MYL12B: variants seen among roughly 807,000 people sequenced by gnomAD.
The protein encoded by MYL12B is myosin regulatory light chain 12B.
In MYL12B, 3 loss-of-function variants were observed where a neutral mutation model predicts 12.9. The ratio of observed to expected loss-of-function variants is 0.23; its 90% confidence interval spans 0.11 to 0.60. The LOEUF is 0.60. Ranked by LOEUF, MYL12B falls within the 20% of genes least tolerant of loss-of-function variation. The probability of loss-of-function intolerance (pLI) is 0.89; values close to 1 mark genes in which losing one functional copy is unlikely to be tolerated. For missense variants in MYL12B, 120 were observed against 215.4 expected (o/e 0.56, Z 2.77); for synonymous variants, 57 against 71.9 (o/e 0.79, Z 1.05).
At chr18:3,266,184 A>G (rs1328198699) in intron 1 of MYL12B, among the ~76,000 whole-genome samples, 5 of 152,192 alleles carry the variant, frequency 3.3e-5, no homozygotes, top group Admixed American at 2.0e-4. Flanking sequence ...ATGAGGTCAC[A>G]TGGGGAGGCT....
intron 1 of MYL12B, chr18:3,262,526 C>G (rs1274036656): frequency 2.0e-5 from 3 of 152,302 alleles, no homozygotes; most frequent in African/African-American, 7.2e-5. Flanking sequence ...GTGGCCGGGT[C>G]CCGGCCGTGC....
intron 1 of MYL12B, chr18:3,271,916 G>C (rs1441984816): frequency 4.3e-6 from 1 of 230,984 alleles, no homozygotes; most frequent in South Asian, 1.6e-4. Flanking sequence ...GGGAAGAAGA[G>C]AAAAGGGGCT....
At chr18:3,266,291 T>C (rs2081633676) in intron 1 of MYL12B, among the ~76,000 whole-genome samples, 1 of 152,220 alleles carries the variant, frequency 6.6e-6, no homozygotes, top group African/African-American at 2.4e-5. Flanking sequence ...CCCTGCCACA[T>C]GGATCTCTCC....
chr18:3,273,159 G>A, intron 2 of MYL12B, 77 bp downstream of exon 2: 4 of 1,416,370 alleles, frequency 2.8e-6, no homozygotes, highest in Non-Finnish European at 3.8e-6. Context: ...TTTGTGCGAT[G>A]TACAAATATT....
chr18:3,262,297 G>GC (rs139373271), intron 1 of MYL12B, 60 bp downstream of exon 1: 83,712 of 151,922 alleles, frequency 0.55, 25,249 homozygotes, highest in Admixed American at 0.67. Flanking sequence ...GTACCCCCGC[G>GC]CCCCCTCCCG....
rs1802791 is a variant in MYL12B at position 3,277,275 on chromosome 18, C to T, written c.207C>T (p.Tyr69=). ...ASLGKNPTDA[Y]LDAMMNEAPG... is the part of the protein sequence containing the mutation. ...CAGGGAAGAATCCCACTGATGCATA[C>T]CTTGATGCCATGATGAATGAGGCCC... The change falls in exon 3 of 4, where the codon TAC becomes TAT. Residue 69 remains tyrosine (Y), a synonymous_variant. Coordinates refer to ENST00000237500, the MANE Select transcript of MYL12B (RefSeq NM_033546.4). The T allele has an allele frequency of 6.2e-7, 1 of 1,611,296 alleles. No homozygotes were observed. The highest frequency in any genetic ancestry group is 8.5e-7 in the Non-Finnish European group (1 of 1,178,678).
chr18:3,269,345 A>G (rs1262158118), intron 1 of MYL12B, among the ~76,000 whole-genome samples: 1 of 152,192 alleles, frequency 6.6e-6, no homozygotes, highest in African/African-American at 2.4e-5. Context: ...GATATTTTAC[A>G]CAAGAGATAA....
intron 1 of MYL12B, among the ~76,000 whole-genome samples, chr18:3,263,529 G>C (rs1184550835): frequency 6.6e-6 from 1 of 152,208 alleles, no homozygotes; most frequent in African/African-American, 2.4e-5. Flanking sequence ...GTTCGTTTAT[G>C]CTTTGATGAA....
intron 1 of MYL12B, among the ~76,000 whole-genome samples, chr18:3,271,723 G>T (rs920458315): frequency 6.6e-6 from 1 of 152,096 alleles, no homozygotes; most frequent in Non-Finnish European, 1.5e-5. Flanking sequence ...GCTGAGATTT[G>T]AACTCAGGAC....
At chr18:3,274,547 A>G (rs891740416) in intron 2 of MYL12B, among the ~76,000 whole-genome samples, 1 of 152,220 alleles carries the variant, frequency 6.6e-6, no homozygotes, top group Non-Finnish European at 1.5e-5. Context: ...AAGGGAAATG[A>G]CGTACAGGAA....
intron 3 of MYL12B, 75 bp from the exon 4 acceptor site, chr18:3,277,690 G>T: frequency 6.7e-7 from 1 of 1,492,152 alleles, no homozygotes; most frequent in South Asian, 1.3e-5. Flanking sequence ...TTATACGATT[G>T]ACAAGCTTTA....
At chr18:3,275,194 A>G (rs1027101168) in intron 2 of MYL12B, among the ~76,000 whole-genome samples, 1 of 152,192 alleles carries the variant, frequency 6.6e-6, no homozygotes, top group Non-Finnish European at 1.5e-5. Context: ...ACATTATGTT[A>G]AGTGAAATAA....
At position 3,262,254 on chromosome 18, in the gene MYL12B, T is replaced by G. The variant is rs968466827; in HGVS notation, c.-16+17T>G. 1.3e-5 allele frequency: 2 copies of G among 152,100 alleles called. No homozygotes were observed. Among genetic ancestry groups the G allele is most frequent in the Non-Finnish European group, 2.9e-5 (2 of 68,024 alleles). The allele number at this position is 152,100 out of a possible 1,614,324, so 9.4% of individuals were successfully genotyped here. A position where few individuals can be genotyped will look rare whatever the true frequency, so the allele number is the denominator to read the frequency against. ...TGGCGTCGGGTGAGTCGCGCTCGAC[T>G]CTGCTCGCGAGACCCCTCGGGCCGC... On this transcript the variant is annotated intron_variant, in intron 1 of 3. Transcript: ENST00000237500.
intron 1 of MYL12B, among the ~76,000 whole-genome samples, chr18:3,266,317 T>C (rs1292869399): frequency 2.6e-5 from 4 of 151,938 alleles, no homozygotes; most frequent in East Asian, 3.9e-4. Context: ...GCTGTGTGTC[T>C]GCATGACCTG....
chr18:3,269,695 G>A (rs1183146685), intron 1 of MYL12B, among the ~76,000 whole-genome samples: 1 of 152,176 alleles, frequency 6.6e-6, no homozygotes, highest in Non-Finnish European at 1.5e-5. Context: ...GAAAGTTGAT[G>A]AGATCATCCA....
At chr18:3,262,423 A>AG (rs1319072120) in intron 1 of MYL12B, 186 bp downstream of exon 1, 1 of 34,336 alleles carries the variant, frequency 2.9e-5, no homozygotes, top group African/African-American at 4.7e-5. Context: ...TGGCGGCGGG[A>AG]GGAGGGTTGG....
At chr18:3,264,386 G>A (rs529572767) in intron 1 of MYL12B, among the ~76,000 whole-genome samples, 2 of 152,304 alleles carry the variant, frequency 1.3e-5, no homozygotes, top group East Asian at 3.9e-4. Flanking sequence ...TGCAGTCCAA[G>A]GTGGAAAGGC....
intron 2 of MYL12B, among the ~76,000 whole-genome samples, chr18:3,274,456 A>T (rs1274318733): frequency 6.9e-5 from 1 of 14,410 alleles, no homozygotes; most frequent in Admixed American, 4.0e-4. Flanking sequence ...ACAATTTGCG[A>T]ATCAGGTAAC....
In MYL12B at chr18:3,277,986, C is replaced by A. The variant is rs2081748141; in HGVS notation, c.*49C>A. 1 of 1,584,560 alleles carries A rather than the reference C, an allele frequency of 6.3e-7. No individual in the cohort carries two copies. The highest frequency in any genetic ancestry group is 1.8e-5 in the Admixed American group (1 of 55,762). On this transcript the variant is annotated 3_prime_UTR_variant, in exon 4 of 4. Coordinates refer to ENST00000237500, the MANE Select transcript of MYL12B (RefSeq NM_033546.4). The stretch of plus-strand genomic sequence containing the variant: ...AGTTACATTGTCTTACTCTCTTTTA[C>A]TTCTCAGACACTTCCCCCACCCTCA...
Sources: gnomAD v4.1 joint callset for allele counts (sites outside exome capture counted in the v4.1 genomes callset) on GRCh38, gnomAD v4.1.1 for gene constraint, MANE v1.5 for transcripts, NCBI Gene and HGNC (gene_info 2026-07-23, HGNC 2026-07-21) for gene names.